MGAT4C: variants seen among roughly 807,000 people sequenced by gnomAD.
MGAT4C encodes the protein alpha-1,3-mannosyl-glycoprotein 4-beta-N-acetylglucosaminyltransferase C.
In MGAT4C, 19 loss-of-function variants were observed where a neutral mutation model predicts 40.1. That is an observed-to-expected ratio of 0.47 (90% CI 0.33 to 0.70). MGAT4C has a LOEUF of 0.70. Ranked by LOEUF, MGAT4C falls within the 30% of genes least tolerant of loss-of-function variation. The pLI, the probability that MGAT4C is intolerant of heterozygous loss-of-function variation, is 0.02. For synonymous variants in MGAT4C, 181 were observed against 187.1 expected, an observed-to-expected ratio of 0.97 and a Z score of 0.27; for missense variants, 491 against 563.2, an observed-to-expected ratio of 0.87 and a Z score of 1.30.
chr12:86,178,399 C>G (rs771151061), intron 1 of MGAT4C, among the ~76,000 whole-genome samples: 8 of 152,072 alleles, frequency 5.3e-5, no homozygotes, highest in Non-Finnish European at 1.0e-4. Flanking sequence ...GTTCCTTGAC[C>G]GAGGGCATGG....
chr12:86,523,980 T>A (rs1024209762), intron 2 of MGAT4C, among the ~76,000 whole-genome samples: 2 of 152,114 alleles, frequency 1.3e-5, no homozygotes, highest in Non-Finnish European at 2.9e-5. Context: ...ATGTGTGTTA[T>A]TGTATGTGAG....
rs1668083422 is a variant in MGAT4C, at chr12:85,963,376, CTT to C, written c.*15911_*15912del. ...TCTTAACCATTTTGGGGTCCTGAAA[CTT>C]TTTGATAATGATGAAAGCACAGAGA... On this transcript the variant is annotated 3_prime_UTR_variant, in exon 5 of 5. Coordinates refer to ENST00000611864, the MANE Select transcript of MGAT4C (RefSeq NM_001351288.2). 3 of 151,758 alleles carry C rather than the reference CTT, an allele frequency of 2.0e-5. No homozygotes were observed. The highest frequency in any genetic ancestry group is 6.6e-5 in the Admixed American group (1 of 15,206). The allele number at this position is 151,758 out of a possible 1,614,324, so 9.4% of individuals were successfully genotyped here. A position where few individuals can be genotyped will look rare whatever the true frequency, so the allele number is the denominator to read the frequency against.
At chr12:86,485,043 G>T (rs1957997957) in intron 2 of MGAT4C, among the ~76,000 whole-genome samples, 1 of 152,094 alleles carries the variant, frequency 6.6e-6, no homozygotes, top group African/African-American at 2.4e-5. Flanking sequence ...CAAGAATCCA[G>T]CCACAAATAA....
At chr12:86,084,750 G>T (rs960272970) in intron 1 of MGAT4C, among the ~76,000 whole-genome samples, 2 of 151,704 alleles carry the variant, frequency 1.3e-5, no homozygotes, top group Admixed American at 6.6e-5. Context: ...AGGAAAAGAG[G>T]CCTGAGCAAA....
intron 2 of MGAT4C, among the ~76,000 whole-genome samples, chr12:86,603,213 A>G (rs1961849974): frequency 6.9e-6 from 1 of 144,824 alleles, no homozygotes; most frequent in Non-Finnish European, 1.5e-5. Context: ...ATAATACTAT[A>G]TAGTATAATA....
At chr12:86,711,656 G>C (rs1339606970) in intron 2 of MGAT4C, among the ~76,000 whole-genome samples, 1 of 152,030 alleles carries the variant, frequency 6.6e-6, no homozygotes, top group East Asian at 1.9e-4. Flanking sequence ...AAAAAAATAT[G>C]AAAACAAGAT....
intron 1 of MGAT4C, among the ~76,000 whole-genome samples, chr12:86,095,081 T>C (rs1873659043): frequency 6.6e-6 from 1 of 152,112 alleles, no homozygotes; most frequent in Non-Finnish European, 1.5e-5. Flanking sequence ...TTAAGAACAA[T>C]ACATTTTCTA....
chr12:86,518,055 C>G (rs890708194), intron 2 of MGAT4C, among the ~76,000 whole-genome samples: 1 of 152,126 alleles, frequency 6.6e-6, no homozygotes, highest in African/African-American at 2.4e-5. Flanking sequence ...TGCAAGCTTT[C>G]TTATCAACCT....
intron 1 of MGAT4C, among the ~76,000 whole-genome samples, chr12:86,128,034 GCA>G (rs1402270146): frequency 6.6e-6 from 1 of 152,146 alleles, no homozygotes; most frequent in African/African-American, 2.4e-5. Context: ...CAAGTATTCT[GCA>G]CTGTACATAA....
At chr12:86,599,911 T>C (rs1451839377) in intron 2 of MGAT4C, among the ~76,000 whole-genome samples, 1 of 152,136 alleles carries the variant, frequency 6.6e-6, no homozygotes, top group East Asian at 1.9e-4. Context: ...AAGTACACAG[T>C]GGTTTTTTTT....
intron 2 of MGAT4C, among the ~76,000 whole-genome samples, chr12:86,517,965 T>C (rs1392172932): frequency 1.3e-5 from 2 of 152,086 alleles, no homozygotes; most frequent in African/African-American, 2.4e-5. Context: ...TGTTTTTTTA[T>C]GGTGGTGAGA....
chr12:86,160,301 T>C (rs1444624186), intron 1 of MGAT4C, among the ~76,000 whole-genome samples: 5 of 152,076 alleles, frequency 3.3e-5, no homozygotes, highest in Non-Finnish European at 7.4e-5. Flanking sequence ...TGCTCAGCAG[T>C]TATTTAGGAG....
chr12:86,079,257 G>T (rs2135537966), intron 1 of MGAT4C, among the ~76,000 whole-genome samples: 1 of 152,232 alleles, frequency 6.6e-6, no homozygotes, highest in Non-Finnish European at 1.5e-5. Context: ...TCAGAATAGA[G>T]GGATTTACTC....
intron 2 of MGAT4C, among the ~76,000 whole-genome samples, chr12:86,602,726 T>C (rs1007272278): frequency 6.6e-5 from 10 of 152,154 alleles, no homozygotes; most frequent in African/African-American, 2.4e-4. Context: ...TGTAATTATG[T>C]GGTATTACTT....
intron 2 of MGAT4C, among the ~76,000 whole-genome samples, chr12:86,539,774 A>T (rs917705661): frequency 6.6e-6 from 1 of 152,230 alleles, no homozygotes; most frequent in Non-Finnish European, 1.5e-5. Context: ...ATGGCCAGTT[A>T]TGATGAGCAT....
At chr12:85,989,032 G>A (rs1374108139) in intron 3 of MGAT4C, among the ~76,000 whole-genome samples, 1 of 152,012 alleles carries the variant, frequency 6.6e-6, no homozygotes, top group Non-Finnish European at 1.5e-5. Flanking sequence ...ATATAGAAAA[G>A]TAGAGGAAGC....
intron 1 of MGAT4C, among the ~76,000 whole-genome samples, chr12:86,227,166 T>C (rs945455790): frequency 6.6e-6 from 1 of 151,946 alleles, no homozygotes; most frequent in African/African-American, 2.4e-5. Context: ...TTTTCTTTAC[T>C]TGGCATCAAA....
chr12:86,076,010 T>C (rs1188308636), intron 1 of MGAT4C, among the ~76,000 whole-genome samples: 2 of 152,210 alleles, frequency 1.3e-5, no homozygotes, highest in Admixed American at 1.3e-4. Flanking sequence ...TGAATTTTTC[T>C]TTTCTACCAT....
At chr12:86,045,650 C>T (rs950405465) in intron 2 of MGAT4C, among the ~76,000 whole-genome samples, 1 of 152,184 alleles carries the variant, frequency 6.6e-6, no homozygotes, top group African/African-American at 2.4e-5. Flanking sequence ...TGATCTCCTA[C>T]TGTCTATTTT....
Sources: gnomAD v4.1 joint callset for allele counts (sites outside exome capture counted in the v4.1 genomes callset) on GRCh38, gnomAD v4.1.1 for gene constraint, MANE v1.5 for transcripts, NCBI Gene and HGNC (gene_info 2026-07-23, HGNC 2026-07-21) for gene names.